ROBO1: variants seen among roughly 807,000 people sequenced by gnomAD.
ROBO1 encodes roundabout homolog 1.
Under a neutral mutation model 195.9 loss-of-function variants are expected in ROBO1, and 149 were observed. The ratio of observed to expected loss-of-function variants is 0.76; its 90% CI spans 0.67 to 0.87. The LOEUF (loss-of-function observed/expected upper bound fraction) is 0.87. Among genes scored for constraint, ROBO1 ranks in the 40% least tolerant of loss-of-function variants. ROBO1 has a pLI of 0.00. For synonymous variants in ROBO1, 816 were observed against 733.2 expected (o/e 1.11, Z -1.82); for missense variants, 1,933 against 2,068.3 (o/e 0.93, Z 1.27).
intron 3 of ROBO1, among the ~76,000 whole-genome samples, chr3:79,013,420 G>T (rs1197851330): frequency 6.6e-6 from 1 of 152,178 alleles, no homozygotes; most frequent in African/African-American, 2.4e-5. Flanking sequence ...ATGATGTAAA[G>T]AACTGACTGT....
intron 2 of ROBO1, among the ~76,000 whole-genome samples, chr3:79,508,684 T>C (rs547328371): frequency 6.6e-6 from 1 of 152,330 alleles, no homozygotes; most frequent in African/African-American, 2.4e-5. Context: ...GAATGCAGGA[T>C]CTGGCATCCG....
intron 2 of ROBO1, among the ~76,000 whole-genome samples, chr3:79,134,963 C>T (rs2080372371): frequency 7.1e-6 from 1 of 141,390 alleles, no homozygotes; most frequent in Admixed American, 7.2e-5. Flanking sequence ...GGGTGCAGCG[C>T]ACCAGCATGG....
intron 3 of ROBO1, among the ~76,000 whole-genome samples, chr3:79,024,066 A>G (rs1339172330): frequency 6.6e-6 from 1 of 152,038 alleles, no homozygotes. Flanking sequence ...CATCATCCCA[A>G]TGGTCCCACC....
At position 78,985,395 on chromosome 3, in the gene ROBO1, T is replaced by C. The variant is rs2077084467; in HGVS notation, c.173-46468A>G. Among the ~76,000 whole-genome samples, 2 of 152,196 alleles carry C rather than the reference T, an allele frequency of 1.3e-5. 1 individual carries two copies. The highest frequency in any genetic ancestry group is 1.3e-4 in the Admixed American group (2 of 15,272). On this transcript the variant is annotated intron_variant, in intron 3 of 30. Coordinates refer to ENST00000464233, the MANE Select transcript of ROBO1 (RefSeq NM_002941.4). ...ATACAAAATACATGTTAATTCACTG[T>C]TTATGTTATTGGTAAGGCTTCCAGT...
intron 19 of ROBO1, among the ~76,000 whole-genome samples, chr3:78,650,231 G>T (rs1706561199): frequency 6.6e-6 from 1 of 152,008 alleles, no homozygotes; most frequent in Non-Finnish European, 1.5e-5. Context: ...CTTCTACTTT[G>T]TATACATAAT....
intron 3 of ROBO1, among the ~76,000 whole-genome samples, chr3:79,076,131 G>A (rs2079168558): frequency 6.7e-6 from 1 of 150,248 alleles, no homozygotes; most frequent in Non-Finnish European, 1.5e-5. Context: ...AAACAAATGA[G>A]TTTATACTTA....
chr3:79,564,284 GGC>G (rs1265306919), intron 2 of ROBO1, among the ~76,000 whole-genome samples: 9 of 152,050 alleles, frequency 5.9e-5, no homozygotes, highest in Non-Finnish European at 1.2e-4. Context: ...TAAGAGTGTA[GGC>G]TAGCCATGGT....
chr3:79,249,891 A>G (rs563426522), intron 2 of ROBO1, among the ~76,000 whole-genome samples: 31 of 152,326 alleles, frequency 2.0e-4, no homozygotes, highest in African/African-American at 7.0e-4. Context: ...TCATCAACTG[A>G]ATAGAAATGA....
chr3:79,631,698 A>T (rs1560054618), intron 1 of ROBO1, among the ~76,000 whole-genome samples: 1 of 152,106 alleles, frequency 6.6e-6, no homozygotes, highest in Non-Finnish European at 1.5e-5. Context: ...GTAAGGAGAG[A>T]ACTTACAAAA....
intron 2 of ROBO1, among the ~76,000 whole-genome samples, chr3:79,379,975 A>G (rs982027618): frequency 6.6e-6 from 1 of 152,200 alleles, no homozygotes; most frequent in African/African-American, 2.4e-5. Flanking sequence ...CTTTACTACA[A>G]CAGAAATTAT....
chr3:79,335,612 G>A (rs2034633814), intron 2 of ROBO1, among the ~76,000 whole-genome samples: 1 of 152,126 alleles, frequency 6.6e-6, no homozygotes, highest in South Asian at 2.1e-4. Flanking sequence ...CAGCCATGTG[G>A]AACTGAGTCA....
chr3:78,639,372 A>C (rs1705777425), intron 22 of ROBO1, among the ~76,000 whole-genome samples: 1 of 152,100 alleles, frequency 6.6e-6, no homozygotes, highest in Admixed American at 6.6e-5. Context: ...CTGAGGCATG[A>C]GAATCACTGG....
intron 5 of ROBO1, among the ~76,000 whole-genome samples, chr3:78,745,224 C>T (rs1014415605): frequency 1.3e-5 from 2 of 149,608 alleles, no homozygotes; most frequent in African/African-American, 5.0e-5. Context: ...AGGAGAATCG[C>T]TTGAACCCAG....
At chr3:79,233,816 A>G (rs1287212886) in intron 2 of ROBO1, among the ~76,000 whole-genome samples, 3 of 152,094 alleles carry the variant, frequency 2.0e-5, no homozygotes, top group Non-Finnish European at 4.4e-5. Flanking sequence ...AACAGTATAT[A>G]TGTTCCCTTT....
At chr3:79,060,893 A>C (rs2078903917) in intron 3 of ROBO1, among the ~76,000 whole-genome samples, 1 of 152,186 alleles carries the variant, frequency 6.6e-6, no homozygotes, top group African/African-American at 2.4e-5. Context: ...AGCCAATATC[A>C]TACTGAATGG....
chr3:78,942,059 G>T (rs1003917480), intron 3 of ROBO1, among the ~76,000 whole-genome samples: 5 of 152,116 alleles, frequency 3.3e-5, no homozygotes, highest in Non-Finnish European at 7.4e-5. Context: ...CCAGCACTTT[G>T]GGAGGTCAAG....
At chr3:79,583,845 T>A (rs1445011415) in intron 2 of ROBO1, among the ~76,000 whole-genome samples, 1 of 151,936 alleles carries the variant, frequency 6.6e-6, no homozygotes, top group Non-Finnish European at 1.5e-5. Flanking sequence ...TCATATAAAA[T>A]GTAAATTTAA....
chr3:79,018,830 G>C, intron 3 of ROBO1: 1 of 1,013,232 alleles, frequency 9.9e-7, no homozygotes, highest in Non-Finnish European at 1.2e-6. Flanking sequence ...ATGTGCGGCC[G>C]AGCGCCGCTG....
chr3:79,431,318 C>T (rs1379120291), intron 2 of ROBO1, among the ~76,000 whole-genome samples: 1 of 152,040 alleles, frequency 6.6e-6, no homozygotes, highest in Non-Finnish European at 1.5e-5. Flanking sequence ...CCCATTATAA[C>T]CAAATGAGAC....
Sources: gnomAD v4.1 joint callset for allele counts (sites outside exome capture counted in the v4.1 genomes callset) on GRCh38, gnomAD v4.1.1 for gene constraint, MANE v1.5 for transcripts, NCBI Gene and HGNC (gene_info 2026-07-23, HGNC 2026-07-21) for gene names.